MMEL1: variants seen among roughly 807,000 people sequenced by gnomAD.
MMEL1 encodes the protein membrane metalloendopeptidase like 1, also known as membrane metallo-endopeptidase-like 1.
Under a neutral mutation model 117.1 loss-of-function variants are expected in MMEL1, and 98 were observed. The ratio of observed to expected loss-of-function variants is 0.84; its 90% CI spans 0.71 to 0.99. The LOEUF is 0.99. MMEL1 is among the 50% of genes least tolerant of loss of function. The pLI, the probability that MMEL1 is intolerant of heterozygous loss-of-function variation, is 0.00. For synonymous variants in MMEL1, 390 were observed against 415.1 expected (o/e 0.94, Z 0.74); for missense variants, 1,014 against 1,049.1 (o/e 0.97, Z 0.46).
At chr1:2,593,545 C>T (rs1410993901) in intron 19 of MMEL1, among the ~76,000 whole-genome samples, 3 of 152,314 alleles carry the variant, frequency 2.0e-5, no homozygotes, top group South Asian at 2.1e-4. Flanking sequence ...TGTCACAGGC[C>T]GTGGGAGGGA....
chr1:2,595,107 C>T lies in MMEL1; in HGVS notation c.1584+169G>A, dbSNP rs1378686757. On this transcript the variant is annotated intron_variant, in intron 16 of 23. Transcript: ENST00000378412. The surrounding 1 kb of genome is among the most constrained non-coding windows in gnomAD (Gnocchi z 4.8). ...TCGTCCCTCCAGGCCTCAGTTTCCC[C>T]ATCTGTACACTGAGGGTAGTGCTGG... 6.6e-6 allele frequency among the ~76,000 whole-genome samples: 1 copy of T among 152,152 alleles called. No individual in the cohort carries two copies. The highest frequency in any genetic ancestry group is 1.5e-5 in the Non-Finnish European group (1 of 68,032).
chr1:2,626,986 G>A (rs1439672028), intron 2 of MMEL1, among the ~76,000 whole-genome samples: 6 of 152,160 alleles, frequency 3.9e-5, no homozygotes, highest in African/African-American at 1.4e-4. Context: ...AGCCATACAC[G>A]ATTGAAAGAG....
intron 2 of MMEL1, among the ~76,000 whole-genome samples, chr1:2,618,132 T>A (rs945678106): frequency 3.0e-4 from 46 of 152,220 alleles, no homozygotes; most frequent in Non-Finnish European, 4.4e-5. Context: ...CCAAGTCTCA[T>A]GTTGAAATGT....
chr1:2,592,283 G>A (rs1557516074), intron 21 of MMEL1, among the ~76,000 whole-genome samples: 3 of 142,400 alleles, frequency 2.1e-5, no homozygotes, highest in Non-Finnish European at 4.6e-5. Context: ...AGCCCCTGAC[G>A]CCCCCTCCCC....
At chr1:2,627,589 G>A (rs1313402726) in intron 2 of MMEL1, among the ~76,000 whole-genome samples, 2 of 151,966 alleles carry the variant, frequency 1.3e-5, no homozygotes, top group African/African-American at 2.4e-5. Context: ...ATAAATAATG[G>A]CATAAACCAT....
chr1:2,609,840 C>G lies in MMEL1; in HGVS notation c.293-9G>C. 6.3e-7 allele frequency: 1 copy of G among 1,598,482 alleles called. No homozygotes were observed. Among genetic ancestry groups the G allele is most frequent in the African/African-American group, 1.3e-5 (1 of 74,856 alleles). ...CTGGAGGATCCTGGCAGCTGCTCGT[C>G]CCCATGGCGTGGAGCAGGGAGAGGG... On this transcript the variant is annotated splice_polypyrimidine_tract_variant and intron_variant, in intron 4 of 23. Coordinates refer to ENST00000378412, the MANE Select transcript of MMEL1 (RefSeq NM_033467.4).
In MMEL1 at chr1:2,604,216, CA is replaced by C; in HGVS notation, c.881del (p.Leu294ArgfsTer53). On this transcript the variant is annotated frameshift_variant, in exon 10 of 24. Coordinates refer to ENST00000378412, the MANE Select transcript of MMEL1 (RefSeq NM_033467.4). LOFTEE classifies it high-confidence loss of function. ...CCTGCACCAGGCAGCTGTCCCTGGG[CA>C]GGTTTGCATCCTCCCGCAGCAACGT... ...VATLLREDAN[L>X]PRDSCLVQED... The C allele has an allele frequency of 6.2e-7, 1 of 1,606,160 alleles. No individual in the cohort carries two copies.
intron 11 of MMEL1, among the ~76,000 whole-genome samples, chr1:2,600,134 G>C (rs1236971389): frequency 6.6e-6 from 1 of 151,768 alleles, no homozygotes; most frequent in Non-Finnish European, 1.5e-5. Context: ...CACCTAGCTA[G>C]TTTTTGTATT....
At chr1:2,609,034 T>TACAC (rs70956312) in intron 6 of MMEL1, among the ~76,000 whole-genome samples, 9,252 of 144,568 alleles carry the variant, frequency 0.064, 424 homozygotes, top group South Asian at 0.1. Context: ...ATCCATATAA[T>TACAC]ACACACACAC....
At position 2,595,315 on chromosome 1, in the gene MMEL1, C is replaced by G; in HGVS notation, c.1545G>C (p.Leu515=). The change falls in exon 16 of 24, where the codon CTG becomes CTC. Residue 515 remains leucine (L), a synonymous_variant. Coordinates refer to ENST00000378412, the MANE Select transcript of MMEL1 (RefSeq NM_033467.4). This position sits in a 1 kb window ranked among gnomAD's most constrained non-coding sequence, Gnocchi z 4.8. ...REQIGHPDYI[L]EEMNRRLDEE... ...CGTCCAGGCGCCTGTTCATCTCCTCCAGGATGTAGTCAGGGTGCCCGATCT... is the reference window on the plus strand; with the variant it reads ...CGTCCAGGCGCCTGTTCATCTCCTCGAGGATGTAGTCAGGGTGCCCGATCT... 6.2e-7 allele frequency: 1 copy of G among 1,613,912 alleles called. No individual in the cohort carries two copies. The highest frequency in any genetic ancestry group is 8.5e-7 in the Non-Finnish European group (1 of 1,179,998).
intron 1 of MMEL1, among the ~76,000 whole-genome samples, chr1:2,632,041 C>T (rs1203519178): frequency 6.6e-6 from 1 of 152,224 alleles, no homozygotes; most frequent in East Asian, 1.9e-4. Context: ...CTCCTCCCCT[C>T]TCACTATGCC....
chr1:2,604,142 CTTA>C lies in MMEL1; in HGVS notation c.951+2_951+4del, dbSNP rs2100940002. 6 of 1,598,288 alleles carry C rather than the reference CTTA, an allele frequency of 3.8e-6. No individual in the cohort carries two copies. Among genetic ancestry groups the C allele is most frequent in the Non-Finnish European group, 5.1e-6 (6 of 1,168,860 alleles). ...CCCGCTCCCCACCCGCCCCGGCCCC[CTTA>C]CCTTGGCCAGCTGTGTCTCCAGCTC... On this transcript the variant is annotated splice_donor_variant and splice_donor_region_variant and intron_variant, in intron 10 of 23. Transcript: ENST00000378412. LOFTEE classifies it high-confidence loss of function.
chr1:2,604,492 G>C (rs1286365044), intron 9 of MMEL1, among the ~76,000 whole-genome samples: 3 of 152,216 alleles, frequency 2.0e-5, no homozygotes, highest in Admixed American at 6.5e-5. Flanking sequence ...GGGGTACCTA[G>C]TCTGCAGGGC....
Position 2,598,644 on chromosome 1 carries a change from T to C in MMEL1, c.1178+10A>G. ...TGCTGAGGCCTTTGGAGACCCTCCC[T>C]GGGCCTCACCTGGCTGAGTAGGTGT... On this transcript the variant is annotated intron_variant, in intron 12 of 23. Coordinates refer to ENST00000378412, the MANE Select transcript of MMEL1 (RefSeq NM_033467.4). The C allele has an allele frequency of 6.2e-7, 1 of 1,613,896 alleles. No individual in the cohort carries two copies. The highest frequency in any genetic ancestry group is 8.5e-7 in the Non-Finnish European group (1 of 1,179,906).
At chr1:2,609,082 GTCTT>G (rs1333476025) in intron 6 of MMEL1, among the ~76,000 whole-genome samples, 2 of 113,098 alleles carry the variant, frequency 1.8e-5, no homozygotes, top group Non-Finnish European at 4.0e-5. Flanking sequence ...CACACACACA[GTCTT>G]CCTGCAGCCT....
chr1:2,617,025 A>G (rs1242365868), intron 2 of MMEL1, among the ~76,000 whole-genome samples: 1 of 152,234 alleles, frequency 6.6e-6, no homozygotes, highest in African/African-American at 2.4e-5. Context: ...CTTAACTTAC[A>G]GTGCCTCACT....
At chr1:2,606,707 T>G (rs558163181) in intron 7 of MMEL1, among the ~76,000 whole-genome samples, 3 of 151,850 alleles carry the variant, frequency 2.0e-5, no homozygotes. Flanking sequence ...GGGGCCTGAG[T>G]GTCGAGCGCT....
chr1:2,612,218 C>G lies in MMEL1; in HGVS notation c.155-14G>C. On this transcript the variant is annotated splice_polypyrimidine_tract_variant and intron_variant, in intron 2 of 23. Transcript: ENST00000378412. This position sits in a 1 kb window ranked among gnomAD's most constrained non-coding sequence, Gnocchi z 5.4. ...GCAGCTGCTTCCCTGGGGAGAAACA[C>G]AGCGCTCAGCTGCGGCCTCCTGCCT... 2 of 1,560,966 alleles carry G rather than the reference C, an allele frequency of 1.3e-6. No homozygotes were observed. Among genetic ancestry groups the G allele is most frequent in the Non-Finnish European group, 1.7e-6 (2 of 1,151,666 alleles).
chr1:2,596,936 T>TG (rs1010508641), intron 13 of MMEL1, among the ~76,000 whole-genome samples: 55 of 152,070 alleles, frequency 3.6e-4, no homozygotes, highest in Admixed American at 2.0e-4. Context: ...CCTGAGGAGT[T>TG]GGGGGGGTTC....
Sources: allele counts gnomAD v4.1 joint callset (sites outside exome capture counted in the v4.1 genomes callset), GRCh38; gene constraint gnomAD v4.1.1; non-coding constraint Gnocchi (gnomAD v3.1); transcripts MANE v1.5; gene names NCBI Gene and HGNC (gene_info 2026-07-23, HGNC 2026-07-21).